Variants in DCN observed in about 807,000 individuals in gnomAD.
DCN encodes the protein bone proteoglycan II.
A neutral mutation model predicts 36.5 loss-of-function variants in DCN; 17 were observed. That is an observed-to-expected ratio of 0.47 (90% confidence interval 0.32 to 0.70). The LOEUF is 0.70. Among genes scored for constraint, DCN ranks in the 30% least tolerant of loss-of-function variants. The pLI, the probability that DCN is intolerant of heterozygous loss-of-function variation, is 0.04. For missense variants in DCN, 389 were observed against 430.1 expected, an observed-to-expected ratio of 0.90 and a Z score of 0.84; for synonymous variants, 163 against 161.4, an observed-to-expected ratio of 1.01 and a Z score of -0.07.
chr12:91,155,615 GATCT>G (rs3990009), intron 5 of DCN, among the ~76,000 whole-genome samples: 9,107 of 150,308 alleles, frequency 0.061, 392 homozygotes, highest in African/African-American at 0.12. Context: ...ATTTTAATAA[GATCT>G]ATCTATCTAT....
At chr12:91,180,674 T>C (rs1868365168) in intron 1 of DCN, 1 of 152,192 alleles carries the variant, frequency 6.6e-6, no homozygotes, top group African/African-American at 2.4e-5. Flanking sequence ...CAGCCCACTC[T>C]CATTCAGTTA....
intron 2 of DCN, among the ~76,000 whole-genome samples, chr12:91,168,991 C>T (rs933955831): frequency 1.3e-5 from 2 of 149,494 alleles, no homozygotes; most frequent in African/African-American, 2.4e-5. Flanking sequence ...AAACAAATCC[C>T]CATTCATAGA....
chr12:91,145,944 TG>T lies in DCN; in HGVS notation c.*113del. Reference sequence around the variant, plus strand: ...TTGGCTTTATGCATAATAAGTCATGTGGGTAAAACATCCACATTGCAGTTAG... The same window carrying T: ...TTGGCTTTATGCATAATAAGTCATGTGGTAAAACATCCACATTGCAGTTAG... On this transcript the variant is annotated 3_prime_UTR_variant, in exon 8 of 8. Transcript: ENST00000052754. 1 of 921,838 alleles carries T rather than the reference TG, an allele frequency of 1.1e-6. No individual in the cohort carries two copies. The highest frequency in any genetic ancestry group is 1.7e-6 in the Non-Finnish European group (1 of 576,148). The allele number at this position is 921,838 out of a possible 1,614,324, so 57.1% of individuals were successfully genotyped here.
intron 7 of DCN, among the ~76,000 whole-genome samples, chr12:91,149,497 A>G (rs1004866154): frequency 1.3e-5 from 2 of 152,214 alleles, no homozygotes; most frequent in Non-Finnish European, 1.5e-5. Flanking sequence ...CATCGTAACT[A>G]ATGGTAAAAT....
chr12:91,157,292 T>C, intron 4 of DCN, 104 bp from the exon 5 acceptor site: 1 of 826,030 alleles, frequency 1.2e-6, no homozygotes, highest in Non-Finnish European at 2.1e-6. Context: ...TAGGGATTAA[T>C]ATCAACTTGA....
At chr12:91,168,482 G>T (rs1256087365) in intron 2 of DCN, among the ~76,000 whole-genome samples, 1 of 152,128 alleles carries the variant, frequency 6.6e-6, no homozygotes, top group Non-Finnish European at 1.5e-5. Flanking sequence ...CCTGAGTAAG[G>T]AGGACTAATT....
intron 7 of DCN, among the ~76,000 whole-genome samples, chr12:91,150,183 G>A (rs180687393): frequency 1.5e-4 from 23 of 152,088 alleles, no homozygotes; most frequent in Admixed American, 5.9e-4. Flanking sequence ...GTAATTGAAG[G>A]GTATAATACT....
chr12:91,182,435 CAG>C (rs1273452004), intron 1 of DCN: 1 of 151,910 alleles, frequency 6.6e-6, no homozygotes, highest in African/African-American at 2.4e-5. Context: ...TTTGCAAAAA[CAG>C]AAGAGAAAGA....
At chr12:91,160,072 T>C (rs191978187) in intron 3 of DCN, among the ~76,000 whole-genome samples, 57 of 152,280 alleles carry the variant, frequency 3.7e-4, no homozygotes, top group Middle Eastern at 3.4e-3. Flanking sequence ...ATCATTTAAC[T>C]AATCCTGAAA....
chr12:91,158,292 G>T lies in DCN; in HGVS notation c.538+4C>A. ...TGGTCTTAAAGTTATAAAAATGTCT[G>T]TACCTATGACAATCATCTGGTTCAG... On this transcript the variant is annotated splice_donor_region_variant and intron_variant, in intron 4 of 7. Transcript: ENST00000052754. The T allele has an allele frequency of 6.4e-7, 1 of 1,572,870 alleles. No homozygotes were observed. The highest frequency in any genetic ancestry group is 8.8e-7 in the Non-Finnish European group (1 of 1,142,406).
In DCN at chr12:91,178,586, C is replaced by G. The variant is rs377465489; in HGVS notation, c.-33-1G>C. The G allele has an allele frequency of 1.3e-6, 2 of 1,581,866 alleles. No homozygotes were observed. Among genetic ancestry groups the G allele is most frequent in the East Asian group, 2.2e-5 (1 of 44,670 alleles). On this transcript the variant is annotated splice_acceptor_variant, in intron 1 of 7. Transcript: ENST00000052754. LOFTEE classifies it low-confidence loss of function (5UTR_SPLICE). ...TCATGTATTTTCACAACCAGGGAAC[C>G]TAGGAAACAAATGAGAGATTTAAGA...
intron 2 of DCN, among the ~76,000 whole-genome samples, chr12:91,168,709 G>A (rs1260423040): frequency 6.6e-6 from 1 of 152,114 alleles, no homozygotes; most frequent in Non-Finnish European, 1.5e-5. Flanking sequence ...GATACAACTG[G>A]TTATAATAAT....
At position 91,144,472 on chromosome 12, in the gene DCN, GT is replaced by G. The variant is rs1880899209; in HGVS notation, c.*1585del. 1 of 152,012 alleles carries G rather than the reference GT, an allele frequency of 6.6e-6. No individual in the cohort carries two copies. Among genetic ancestry groups the G allele is most frequent in the Non-Finnish European group, 1.5e-5 (1 of 68,000 alleles). 9.4% of individuals were successfully genotyped at this position (152,012 alleles called of 1,614,324 possible). On this transcript the variant is annotated 3_prime_UTR_variant, in exon 8 of 8. Transcript: ENST00000052754. The stretch of plus-strand genomic sequence containing the variant: ...GATGAAAAAGAGAAGAAAAAGAGAG[GT>G]TTCTTCCCTCTTATTAAAAATACTG...
At chr12:91,182,333 A>G (rs1395371896) in intron 1 of DCN, among the ~76,000 whole-genome samples, 1 of 152,094 alleles carries the variant, frequency 6.6e-6, no homozygotes. Context: ...TTCGGTTACC[A>G]TCTCTTGAAG....
intron 3 of DCN, 113 bp from the exon 4 acceptor site, chr12:91,158,622 T>G (rs2121212802): frequency 1.4e-6 from 1 of 721,472 alleles, no homozygotes; most frequent in African/African-American, 1.8e-5. Context: ...ATCTAAAAAA[T>G]TGCAAGAAAT....
rs1261710624 is a variant in DCN, at chr12:91,141,217, T to C, written c.*4841A>G. 1 of 152,218 alleles carries C rather than the reference T, an allele frequency of 6.6e-6. No homozygotes were observed. The highest frequency in any genetic ancestry group is 6.5e-5 in the Admixed American group (1 of 15,280). 9.4% of individuals were successfully genotyped at this position (152,218 alleles called of 1,614,324 possible). A position where few individuals can be genotyped will look rare whatever the true frequency, so the allele number is the denominator to read the frequency against. On this transcript the variant is annotated 3_prime_UTR_variant, in exon 8 of 8. Transcript: ENST00000052754. ...ATCTTTACAATGGCCTAAAAAGTCC[T>C]ACAGGATGCGATTGTCATTACCTTT...
intron 2 of DCN, among the ~76,000 whole-genome samples, chr12:91,170,777 C>A (rs565230643): frequency 6.6e-6 from 1 of 151,998 alleles, no homozygotes. Context: ...AACACCAAGC[C>A]GGAAGTAAAT....
rs1280057426 is a variant in DCN, at chr12:91,145,402, G to C, written c.*656C>G. On this transcript the variant is annotated 3_prime_UTR_variant, in exon 8 of 8. Transcript: ENST00000052754. ...AGTTACCATACTCAAATGTAAGATAGGGAGAGGTAGAAGAAATAGCTGAGA... is the reference window on the plus strand; with the variant it reads ...AGTTACCATACTCAAATGTAAGATACGGAGAGGTAGAAGAAATAGCTGAGA... The C allele has an allele frequency of 6.5e-6, 1 of 154,884 alleles. No homozygotes were observed. Among genetic ancestry groups the C allele is most frequent in the East Asian group, 1.9e-4 (1 of 5,252 alleles). 9.6% of individuals were successfully genotyped at this position (154,884 alleles called of 1,614,324 possible). A position where few individuals can be genotyped will look rare whatever the true frequency, so the allele number is the denominator to read the frequency against.
At chr12:91,180,180 T>C (rs948325942) in intron 1 of DCN, 1 of 151,948 alleles carries the variant, frequency 6.6e-6, no homozygotes, top group Non-Finnish European at 1.5e-5. Context: ...AGTCCCATCA[T>C]CTCTACCTTG....
Sources: allele counts gnomAD v4.1 joint callset (sites outside exome capture counted in the v4.1 genomes callset), GRCh38; gene constraint gnomAD v4.1.1; transcripts MANE v1.5; gene names NCBI Gene and HGNC (gene_info 2026-07-23, HGNC 2026-07-21).